Variants in SLC12A1 observed in about 807,000 individuals in gnomAD.
SLC12A1 encodes the protein solute carrier family 12 member 1.
In SLC12A1, 89 loss-of-function variants were observed where a neutral mutation model predicts 130.4. The observed-to-expected ratio is 0.68, with a 90% CI of 0.58 to 0.81. The LOEUF is 0.81. Among genes scored for constraint, SLC12A1 ranks in the 40% least tolerant of loss-of-function variants. The pLI is 0.00. For synonymous variants in SLC12A1, 499 were observed against 460.0 expected (o/e 1.08, Z -1.09); for missense variants, 1,310 against 1,336.4 (o/e 0.98, Z 0.31).
At chr15:48,289,443 T>G (rs2042097032) in intron 23 of SLC12A1, among the ~76,000 whole-genome samples, 1 of 138,298 alleles carries the variant, frequency 7.2e-6, no homozygotes, top group African/African-American at 2.8e-5. Context: ...TATAACTATG[T>G]ATAACTGTAT....
At chr15:48,275,764 G>A (rs1026637962) in intron 20 of SLC12A1, among the ~76,000 whole-genome samples, 9 of 152,180 alleles carry the variant, frequency 5.9e-5, no homozygotes, top group Non-Finnish European at 8.8e-5. Context: ...AGTAAAATAT[G>A]GGGCTGCCAC....
intron 5 of SLC12A1, chr15:48,228,162 C>T (rs1041843345): frequency 6.6e-6 from 1 of 152,210 alleles, no homozygotes; most frequent in African/African-American, 2.4e-5. Flanking sequence ...CTGTGATAAT[C>T]AGACCTCCTA....
At chr15:48,268,520 G>A (rs954320323) in intron 18 of SLC12A1, among the ~76,000 whole-genome samples, 3 of 152,144 alleles carry the variant, frequency 2.0e-5, no homozygotes, top group South Asian at 2.1e-4. Flanking sequence ...ACTCAGATGC[G>A]CATGCAGGCA....
At chr15:48,274,537 T>C (rs1157046692) in intron 19 of SLC12A1, 34 bp from the exon 20 acceptor site, 1 of 1,463,224 alleles carries the variant, frequency 6.8e-7, no homozygotes, top group East Asian at 2.3e-5. Flanking sequence ...AAAAGAGCCA[T>C]TTAAAACGCT....
At chr15:48,278,253 A>C (rs1334989978) in intron 20 of SLC12A1, among the ~76,000 whole-genome samples, 1 of 152,234 alleles carries the variant, frequency 6.6e-6, no homozygotes, top group Non-Finnish European at 1.5e-5. Flanking sequence ...CAACAACAAC[A>C]AAAAATATTT....
At chr15:48,251,813 C>A in intron 15 of SLC12A1, 43 bp downstream of exon 15, 1 of 1,566,442 alleles carries the variant, frequency 6.4e-7, no homozygotes, top group Non-Finnish European at 8.8e-7. Flanking sequence ...AAATCTCTCT[C>A]TAACTACTCA....
chr15:48,288,351 C>T, intron 22 of SLC12A1, 54 bp from the exon 23 acceptor site: 1 of 1,096,882 alleles, frequency 9.1e-7, no homozygotes, highest in Non-Finnish European at 1.3e-6. Flanking sequence ...TAAAGCTATT[C>T]ATTTCCTTCC....
chr15:48,212,677 T>C (rs1366510431), intron 2 of SLC12A1, among the ~76,000 whole-genome samples: 1 of 152,184 alleles, frequency 6.6e-6, no homozygotes, highest in African/African-American at 2.4e-5. Flanking sequence ...CAGAAAAATA[T>C]AATTTAAAAG....
intron 19 of SLC12A1, 124 bp downstream of exon 19, chr15:48,269,888 G>C: frequency 2.1e-6 from 1 of 469,750 alleles, no homozygotes; most frequent in Non-Finnish European, 3.9e-6. Context: ...CATTCCCCTG[G>C]TACTCTGACT....
At chr15:48,243,641 G>C (rs768132002) in intron 10 of SLC12A1, among the ~76,000 whole-genome samples, 2 of 152,196 alleles carry the variant, frequency 1.3e-5, no homozygotes, top group Admixed American at 1.3e-4. Context: ...GTGACAGAGC[G>C]AGACTCTGTC....
chr15:48,255,801 T>A lies in SLC12A1; in HGVS notation c.1943-10T>A, dbSNP rs1171731061. 6.4e-7 allele frequency: 1 copy of A among 1,570,500 alleles called. No individual in the cohort carries two copies. Among genetic ancestry groups the A allele is most frequent in the South Asian group, 1.2e-5 (1 of 86,490 alleles). ...GTGTTTTTTATGCCAATTTCCTCCT[T>A]TATCCACAGATGTGAACTGGGGCTC... On this transcript the variant is annotated splice_polypyrimidine_tract_variant and intron_variant, in intron 15 of 26. Coordinates refer to ENST00000380993, the MANE Select transcript of SLC12A1 (RefSeq NM_000338.3).
At chr15:48,281,378 C>G (rs1273212423) in intron 20 of SLC12A1, among the ~76,000 whole-genome samples, 4 of 152,150 alleles carry the variant, frequency 2.6e-5, no homozygotes, top group African/African-American at 9.7e-5. Flanking sequence ...AGATAGACAT[C>G]CAAGTCACAC....
At chr15:48,266,512 T>A (rs1286960052) in intron 17 of SLC12A1, among the ~76,000 whole-genome samples, 1 of 150,856 alleles carries the variant, frequency 6.6e-6, no homozygotes, top group Non-Finnish European at 1.5e-5. Context: ...AGACCGTGAC[T>A]CCAAGTGTGG....
rs2040999845 is a variant in SLC12A1 at position 48,207,833 on chromosome 15, C to T, written c.114C>T (p.Asp38=). 6.2e-7 allele frequency: 1 copy of T among 1,613,970 alleles called. No homozygotes were observed. The highest frequency in any genetic ancestry group is 2.2e-5 in the East Asian group (1 of 44,880). ...ENHESSAAAD[D]NTDPPHYEET... is the part of the protein sequence containing the mutation. Reference sequence around the variant, plus strand: ...ATGAGAGCAGTGCAGCTGCAGATGACAATACTGACCCACCACATTATGAAG... The same window carrying T: ...ATGAGAGCAGTGCAGCTGCAGATGATAATACTGACCCACCACATTATGAAG... Residue 38 remains aspartate, a synonymous_variant, in exon 2 of 27, where the codon GAC becomes GAT. Transcript: ENST00000380993.
chr15:48,284,697 T>C (rs879799304), intron 20 of SLC12A1, among the ~76,000 whole-genome samples: 35 of 152,192 alleles, frequency 2.3e-4, no homozygotes, highest in Non-Finnish European at 4.6e-4. Context: ...TGCAGTGCAG[T>C]GGCATGATCA....
Position 48,226,558 on chromosome 15 carries a change from G to C in SLC12A1, c.711G>C (p.Gly237=), listed in dbSNP as rs747000548. The C allele has an allele frequency of 6.2e-7, 1 of 1,606,202 alleles. No homozygotes were observed. Among genetic ancestry groups the C allele is most frequent in the Non-Finnish European group, 8.5e-7 (1 of 1,174,894 alleles). ...CAACTTCTGCGATAGCAACTAACGG[G>C]TTTGTTCGTGGAGGTAAAATCTCTA... The part of the protein sequence containing the change: ...GLSTSAIATN[G]FVRGGGAYYL... The change falls in exon 5 of 27, where the codon GGG becomes GGC. Residue 237 remains glycine, a synonymous_variant. Coordinates refer to ENST00000380993, the MANE Select transcript of SLC12A1 (RefSeq NM_000338.3).
Position 48,267,612 on chromosome 15 carries a change from C to T in SLC12A1, c.2206C>T (p.Gln736Ter). 5.0e-6 allele frequency: 8 copies of T among 1,613,604 alleles called. No individual in the cohort carries two copies. The highest frequency in any genetic ancestry group is 6.8e-6 in the Non-Finnish European group (8 of 1,179,612). Residue 736 changes from glutamine to a stop codon, truncating the protein, a stop_gained, in exon 18 of 27, where the codon CAG becomes TAG. Transcript: ENST00000380993. LOFTEE classifies it high-confidence loss of function. The stretch of plus-strand genomic sequence containing the variant: ...GATGAACAGTGGCATGGCGAAAAAA[C>T]AGGCCTGGCTTATAAAGAACAAAAT... ...KEMNSGMAKK[Q>*]AWLIKNKIKA...
intron 7 of SLC12A1, among the ~76,000 whole-genome samples, chr15:48,231,231 G>C (rs906204734): frequency 1.3e-5 from 2 of 152,180 alleles, no homozygotes; most frequent in Non-Finnish European, 2.9e-5. Flanking sequence ...CAAAAATTAA[G>C]TTAGTGCCTA....
At chr15:48,299,389 A>G in intron 25 of SLC12A1, 114 bp downstream of exon 25, 1 of 962,080 alleles carries the variant, frequency 1.0e-6, no homozygotes, top group Non-Finnish European at 1.4e-6. Context: ...ATTATTCAAG[A>G]TCCAAGCTTT....
Sources: gnomAD v4.1 joint callset for allele counts (sites outside exome capture counted in the v4.1 genomes callset) on GRCh38, gnomAD v4.1.1 for gene constraint, MANE v1.5 for transcripts, NCBI Gene and HGNC (gene_info 2026-07-23, HGNC 2026-07-21) for gene names.